The following CCDC172 variants were observed in gnomAD, a reference collection of about 807,000 sequenced individuals.
The protein encoded by CCDC172 is coiled-coil domain containing 172.
CCDC172 carries 30 observed loss-of-function variants against 38.0 expected under a neutral mutation model. That is an observed-to-expected ratio of 0.79 (90% CI 0.59 to 1.07). The LOEUF is 1.07. Ranked by LOEUF, CCDC172 falls within the 50% of genes least tolerant of loss-of-function variation. CCDC172 has a pLI of 0.00. For missense variants in CCDC172, 297 were observed against 290.1 expected (o/e 1.02, Z -0.17); for synonymous variants, 78 against 88.3 (o/e 0.88, Z 0.66).
At chr10:116,336,584 T>C (rs1269730317) in intron 3 of CCDC172, among the ~76,000 whole-genome samples, 1 of 152,082 alleles carries the variant, frequency 6.6e-6, no homozygotes, top group Non-Finnish European at 1.5e-5. Context: ...TAATGTACCT[T>C]AGTATTTAGA....
At chr10:116,356,017 A>G (rs1404843501) in intron 5 of CCDC172, among the ~76,000 whole-genome samples, 1 of 152,122 alleles carries the variant, frequency 6.6e-6, no homozygotes, top group Non-Finnish European at 1.5e-5. Flanking sequence ...AAAGGAACCA[A>G]AGGGGCTCTA....
intron 7 of CCDC172, among the ~76,000 whole-genome samples, chr10:116,374,153 G>T (rs1175543964): frequency 2.0e-5 from 3 of 151,988 alleles, no homozygotes; most frequent in Non-Finnish European, 2.9e-5. Flanking sequence ...TTATCATATC[G>T]ACTGTTATGC....
chr10:116,343,520 T>G (rs1379356038), intron 5 of CCDC172, among the ~76,000 whole-genome samples: 6 of 150,644 alleles, frequency 4.0e-5, no homozygotes, highest in South Asian at 2.1e-4. Context: ...CATTCGTTTT[T>G]TTTTTTTTTT....
intron 5 of CCDC172, among the ~76,000 whole-genome samples, chr10:116,349,947 G>A (rs1438995423): frequency 6.6e-6 from 1 of 152,258 alleles, no homozygotes; most frequent in East Asian, 1.9e-4. Context: ...CCTGAAAGAG[G>A]TAAGGGAATC....
intron 3 of CCDC172, among the ~76,000 whole-genome samples, chr10:116,331,640 T>G (rs184926428): frequency 1.1e-3 from 162 of 152,318 alleles, no homozygotes; most frequent in African/African-American, 3.7e-3. Context: ...GAATTCTACT[T>G]GTTTGATTTG....
In CCDC172 at chr10:116,379,469, TG is replaced by T. The variant is rs370219167; in HGVS notation, c.*115del. 5.0e-5 allele frequency: 29 copies of T among 582,850 alleles called. 1 individual carries two copies. In the East Asian group the frequency reaches 7.7e-4, roughly 15 times the overall value. The allele number at this position is 582,850 out of a possible 1,614,324, so 36.1% of individuals were successfully genotyped here. A position where few individuals can be genotyped will look rare whatever the true frequency, so the allele number is the denominator to read the frequency against. On this transcript the variant is annotated 3_prime_UTR_variant, in exon 9 of 9. Transcript: ENST00000333254. ...TTACAACGGATCCTTGTGGGAAATA[TG>T]GGGTTTAAAATATTCAAATTGTTAT... is the stretch of plus-strand genomic sequence containing the variant.
At position 116,325,314 on chromosome 10, in the gene CCDC172, A is replaced by T; in HGVS notation, c.91A>T (p.Ile31Leu). 1 of 1,613,454 alleles carries T rather than the reference A, an allele frequency of 6.2e-7. No homozygotes were observed. Among genetic ancestry groups the T allele is most frequent in the Non-Finnish European group, 8.5e-7 (1 of 1,179,580 alleles). Residue 31 changes from isoleucine to leucine, a missense_variant, in exon 3 of 9, where the codon ATA becomes TTA. Transcript: ENST00000333254. ...RRLMREVRSE[I>L]TRCREKIKKA... ...AATTTTTATTACAGTAAGGTCGGAA[A>T]TAACCAGATGTCGTGAAAAAATTAA... is the stretch of plus-strand genomic sequence containing the variant.
At chr10:116,372,033 A>G (rs1845191498) in intron 7 of CCDC172, among the ~76,000 whole-genome samples, 1 of 152,012 alleles carries the variant, frequency 6.6e-6, no homozygotes, top group African/African-American at 2.4e-5. Flanking sequence ...CCTTTCTTCT[A>G]TCTACCATTG....
intron 3 of CCDC172, among the ~76,000 whole-genome samples, chr10:116,333,901 C>T (rs1844697847): frequency 6.6e-6 from 1 of 152,192 alleles, no homozygotes; most frequent in Non-Finnish European, 1.5e-5. Context: ...CGACTTACAG[C>T]TGTACCTGTG....
intron 7 of CCDC172, among the ~76,000 whole-genome samples, chr10:116,375,504 T>C (rs1845234698): frequency 6.7e-6 from 1 of 149,500 alleles, no homozygotes; most frequent in Admixed American, 6.7e-5. Flanking sequence ...GTCCACATGT[T>C]CTCATTGTTC....
chr10:116,354,214 G>A (rs1303389551), intron 5 of CCDC172, among the ~76,000 whole-genome samples: 1 of 152,110 alleles, frequency 6.6e-6, no homozygotes, highest in Non-Finnish European at 1.5e-5. Context: ...TCATATAAAA[G>A]TATAGCACAT....
In CCDC172 at chr10:116,379,660, A is replaced by G. The variant is rs188939935; in HGVS notation, c.*302A>G. 8 of 223,474 alleles carry G rather than the reference A, an allele frequency of 3.6e-5. No homozygotes were observed. The highest frequency in any genetic ancestry group is 6.8e-5 in the African/African-American group (3 of 43,824). The allele number at this position is 223,474 out of a possible 1,614,324, so 13.8% of individuals were successfully genotyped here. ...ATGCCCCTGAACCTCAAGCTGTCCT[A>G]TTCTTTCTAATCTATATAATATGGT... On this transcript the variant is annotated 3_prime_UTR_variant, in exon 9 of 9. Coordinates refer to ENST00000333254, the MANE Select transcript of CCDC172 (RefSeq NM_198515.3).
chr10:116,345,742 G>A (rs569379797), intron 5 of CCDC172, among the ~76,000 whole-genome samples: 5 of 152,150 alleles, frequency 3.3e-5, no homozygotes, highest in African/African-American at 9.6e-5. Flanking sequence ...AAATTAAAAC[G>A]GCAGTGATAT....
intron 3 of CCDC172, among the ~76,000 whole-genome samples, chr10:116,332,420 G>A (rs757741369): frequency 2.0e-5 from 3 of 151,858 alleles, no homozygotes; most frequent in African/African-American, 7.3e-5. Flanking sequence ...TTTGTTTTTT[G>A]ATGAGTCTGT....
intron 7 of CCDC172, among the ~76,000 whole-genome samples, chr10:116,361,052 A>G (rs939797783): frequency 4.0e-4 from 55 of 136,774 alleles, no homozygotes; most frequent in African/African-American, 1.3e-3. Flanking sequence ...TATTATTATT[A>G]TTATTATTAT....
chr10:116,360,411 C>T (rs1845048583), intron 7 of CCDC172, among the ~76,000 whole-genome samples: 1 of 152,164 alleles, frequency 6.6e-6, no homozygotes, highest in South Asian at 2.1e-4. Context: ...GTAATTGAGT[C>T]TACATATAAT....
At chr10:116,345,364 C>T (rs1337718075) in intron 5 of CCDC172, among the ~76,000 whole-genome samples, 1 of 152,024 alleles carries the variant, frequency 6.6e-6, no homozygotes, top group Admixed American at 6.6e-5. Flanking sequence ...CACCTAGACA[C>T]AAAAGCTAAA....
intron 7 of CCDC172, among the ~76,000 whole-genome samples, chr10:116,358,143 T>A (rs1845022832): frequency 6.6e-6 from 1 of 152,126 alleles, no homozygotes; most frequent in Non-Finnish European, 1.5e-5. Context: ...TGCGTTGGGT[T>A]GATGACTGAT....
rs561706151 is a variant in CCDC172, at chr10:116,353,020, C to T, written c.449-4360C>T. 6.2e-4 allele frequency among the ~76,000 whole-genome samples: 94 copies of T among 151,924 alleles called. 1 individual carries two copies. The Middle Eastern group carries it at 0.014, about 22-fold the overall frequency. ...CATCCTGGCTAACATGGTGAAACCC[C>T]GTCTCTACTCAAAATACAAAAAATT... On this transcript the variant is annotated intron_variant, in intron 5 of 8. Coordinates refer to ENST00000333254, the MANE Select transcript of CCDC172 (RefSeq NM_198515.3).
Sources: allele counts gnomAD v4.1 joint callset (sites outside exome capture counted in the v4.1 genomes callset), GRCh38; gene constraint gnomAD v4.1.1; transcripts MANE v1.5; gene names NCBI Gene and HGNC (gene_info 2026-07-23, HGNC 2026-07-21).